GRM5: variants seen among roughly 807,000 people sequenced by gnomAD.
The protein encoded by GRM5 is glutamate metabotropic receptor 5.
A neutral mutation model predicts 83.1 loss-of-function variants in GRM5; 19 were observed. The observed-to-expected ratio is 0.23, with a 90% confidence interval of 0.16 to 0.34. GRM5 has a LOEUF of 0.34. Among genes scored for constraint, GRM5 ranks in the 10% least tolerant of loss-of-function variants. GRM5 has a pLI of 1.00. For missense variants in GRM5, 1,160 were observed against 1,588.3 expected (o/e 0.73, Z 4.58); for synonymous variants, 675 against 633.6 (o/e 1.07, Z -0.98).
intron 4 of GRM5, among the ~76,000 whole-genome samples, chr11:88,622,542 A>T (rs1938667301): frequency 1.3e-5 from 2 of 152,266 alleles, no homozygotes; most frequent in South Asian, 4.1e-4. Flanking sequence ...CCTTTGATTT[A>T]TGGGATCACC....
At chr11:88,798,759 CAA>C (rs909322741) in intron 3 of GRM5, among the ~76,000 whole-genome samples, 1 of 116,798 alleles carries the variant, frequency 8.6e-6, no homozygotes, top group Non-Finnish European at 1.6e-5. Flanking sequence ...GACACTGAGT[CAA>C]AGTCATGAGT....
At chr11:88,639,281 T>C (rs932458794) in intron 4 of GRM5, among the ~76,000 whole-genome samples, 1 of 152,168 alleles carries the variant, frequency 6.6e-6, no homozygotes, top group Non-Finnish European at 1.5e-5. Flanking sequence ...TCCAGCATTC[T>C]CTCTTCACGC....
rs1940380245 is a variant in GRM5, at chr11:89,001,539, G to T, written c.661+45673C>A. Among the ~76,000 whole-genome samples the T allele has an allele frequency of 2.0e-5, 3 of 152,050 alleles. No individual in the cohort carries two copies. The South Asian group carries it at 6.2e-4, about 32-fold the overall frequency. ...GGAGAACAGGTTAGTGGTTGTCAGG[G>T]GTCAGGGACGTAGTGGGTAGGGAAG... On this transcript the variant is annotated intron_variant, in intron 2 of 9. Coordinates refer to ENST00000305447, the MANE Select transcript of GRM5 (RefSeq NM_001143831.3).
At chr11:88,551,816 A>G (rs1432939851) in intron 8 of GRM5, among the ~76,000 whole-genome samples, 1 of 152,168 alleles carries the variant, frequency 6.6e-6, no homozygotes, top group Non-Finnish European at 1.5e-5. Flanking sequence ...GTACATCACC[A>G]ATCAATGGAA....
chr11:88,798,177 T>C (rs1434320629), intron 3 of GRM5, among the ~76,000 whole-genome samples: 1 of 152,210 alleles, frequency 6.6e-6, no homozygotes, highest in Non-Finnish European at 1.5e-5. Flanking sequence ...CTCTTTTACC[T>C]AATCAGTGTT....
chr11:88,892,557 C>T lies in GRM5; in HGVS notation c.662-42402G>A, dbSNP rs186914871. Among the ~76,000 whole-genome samples the T allele has an allele frequency of 5.9e-3, 903 of 152,100 alleles. 11 individuals carry two copies. The highest frequency in any genetic ancestry group is 6.9e-3 in the Non-Finnish European group (466 of 67,956). ...TTGCTGCACTTTATGCAAATATTCA[C>T]GCCAAGTATAAGGCTAAAGTTTATT... On this transcript the variant is annotated intron_variant, in intron 2 of 9. Transcript: ENST00000305447.
intron 2 of GRM5, among the ~76,000 whole-genome samples, chr11:88,994,009 T>C (rs539060451): frequency 6.6e-6 from 1 of 152,226 alleles, no homozygotes; most frequent in East Asian, 1.9e-4. Flanking sequence ...CAAAGCACTG[T>C]ACCAACCTCA....
At chr11:88,713,355 G>T (rs1222339866) in intron 3 of GRM5, among the ~76,000 whole-genome samples, 1 of 151,944 alleles carries the variant, frequency 6.6e-6, no homozygotes. Context: ...TTTCCATCAT[G>T]TGTAAAATAT....
At chr11:88,518,558 A>G (rs1422605712) in intron 9 of GRM5, among the ~76,000 whole-genome samples, 1 of 151,992 alleles carries the variant, frequency 6.6e-6, no homozygotes. Flanking sequence ...AATTAAACTA[A>G]TTTCTGATGA....
intron 8 of GRM5, 48 bp from the exon 9 acceptor site, chr11:88,525,452 G>A (rs759218062): frequency 3.0e-5 from 34 of 1,140,832 alleles, no homozygotes; most frequent in Non-Finnish European, 4.2e-5. Flanking sequence ...ACGTGATTGT[G>A]TGCTTAACTG....
intron 2 of GRM5, among the ~76,000 whole-genome samples, chr11:88,869,267 C>T (rs184950054): frequency 2.1e-4 from 32 of 151,668 alleles, no homozygotes; most frequent in African/African-American, 7.0e-4. Context: ...CTTTTAGAAA[C>T]ATTTCAAGGA....
intron 3 of GRM5, among the ~76,000 whole-genome samples, chr11:88,680,363 C>T (rs1940448344): frequency 6.6e-6 from 1 of 152,072 alleles, no homozygotes; most frequent in African/African-American, 2.4e-5. Flanking sequence ...CAATAGTTTG[C>T]TGAGAATGAT....
intron 2 of GRM5, among the ~76,000 whole-genome samples, chr11:88,999,373 A>G (rs1940296404): frequency 6.6e-6 from 1 of 152,218 alleles, no homozygotes; most frequent in African/African-American, 2.4e-5. Context: ...AGAACCTACA[A>G]TGAACTCAAA....
intron 2 of GRM5, among the ~76,000 whole-genome samples, chr11:89,021,003 A>C (rs1308074335): frequency 1.3e-5 from 2 of 152,210 alleles, no homozygotes; most frequent in Non-Finnish European, 2.9e-5. Context: ...TCCATGAAGA[A>C]CGATAAATAA....
At chr11:88,802,857 A>G (rs368682698) in intron 3 of GRM5, among the ~76,000 whole-genome samples, 19 of 147,884 alleles carry the variant, frequency 1.3e-4, no homozygotes, top group African/African-American at 2.2e-4. Flanking sequence ...CAAAATCAAT[A>G]TACAAAAATC....
At chr11:88,740,669 A>G (rs1225114876) in intron 3 of GRM5, among the ~76,000 whole-genome samples, 1 of 152,068 alleles carries the variant, frequency 6.6e-6, no homozygotes, top group East Asian at 1.9e-4. Context: ...GTTAACAAAA[A>G]TAATAAATTT....
chr11:88,736,267 T>G (rs933868453), intron 3 of GRM5, among the ~76,000 whole-genome samples: 1 of 152,074 alleles, frequency 6.6e-6, no homozygotes, highest in Non-Finnish European at 1.5e-5. Context: ...TTACATGAAA[T>G]TAACTTTATT....
chr11:88,939,098 C>G (rs551232970), intron 2 of GRM5, among the ~76,000 whole-genome samples: 1 of 151,590 alleles, frequency 6.6e-6, no homozygotes, highest in Non-Finnish European at 1.5e-5. Flanking sequence ...TAGTTTATGA[C>G]TAATTCATCT....
intron 3 of GRM5, among the ~76,000 whole-genome samples, chr11:88,665,162 TACACACACAC>T (rs1214459891): frequency 1.1e-4 from 16 of 141,008 alleles, no homozygotes; most frequent in African/African-American, 3.6e-4. Context: ...TTAATTTATT[TACACACACAC>T]ACACACACAC....
Sources: allele counts gnomAD v4.1 joint callset (sites outside exome capture counted in the v4.1 genomes callset), GRCh38; gene constraint gnomAD v4.1.1; transcripts MANE v1.5; gene names NCBI Gene and HGNC (gene_info 2026-07-23, HGNC 2026-07-21).